EXTL3: variants seen among roughly 807,000 people sequenced by gnomAD.
The protein encoded by EXTL3 is exostosin like glycosyltransferase 3.
In EXTL3, 27 loss-of-function variants were observed where a neutral mutation model predicts 69.3. The ratio of observed to expected loss-of-function variants is 0.39; its 90% CI spans 0.29 to 0.54. The LOEUF (loss-of-function observed/expected upper bound fraction) is 0.54. Ranked by LOEUF, EXTL3 falls within the 20% of genes least tolerant of loss-of-function variation. The pLI, the probability that EXTL3 is intolerant of heterozygous loss-of-function variation, is 0.69. For synonymous variants in EXTL3, 511 were observed against 499.4 expected (o/e 1.02, Z -0.31); for missense variants, 1,003 against 1,231.8 (o/e 0.81, Z 2.78).
chr8:28,700,194 G>A (rs375673990), upstream of EXTL3: 1 of 152,274 alleles, frequency 6.6e-6, no homozygotes, highest in East Asian at 1.9e-4. Context: ...CACATATGAT[G>A]GCGGTAAGAC....
intron 4 of EXTL3, among the ~76,000 whole-genome samples, chr8:28,732,416 A>G (rs556869177): frequency 6.6e-5 from 10 of 152,326 alleles, no homozygotes; most frequent in Admixed American, 4.6e-4. Flanking sequence ...TTCATACCCC[A>G]TAAAATTCAC....
intron 1 of EXTL3, among the ~76,000 whole-genome samples, chr8:28,679,006 A>G (rs1807434962): frequency 6.6e-6 from 1 of 152,208 alleles, no homozygotes; most frequent in Non-Finnish European, 1.5e-5. Context: ...TTCTTTGTGC[A>G]TCTGCCTGGG....
At chr8:28,644,780 C>G (rs1281887314) in intron 1 of EXTL3, among the ~76,000 whole-genome samples, 1 of 152,206 alleles carries the variant, frequency 6.6e-6, no homozygotes, top group Admixed American at 6.5e-5. Flanking sequence ...TACTCTCCTA[C>G]TGTATGTACG....
chr8:28,715,863 C>T lies in EXTL3; in HGVS notation c.-197C>T. ...TTGGTCAACAGCCAGAACTTAAAAT[C>T]TGCTGGAATAGGGTCAGAGACCATT... On this transcript the variant is annotated 5_prime_UTR_variant, in exon 3 of 7. Transcript: ENST00000220562. 1 of 587,702 alleles carries T rather than the reference C, an allele frequency of 1.7e-6. No individual in the cohort carries two copies. Among genetic ancestry groups the T allele is most frequent in the South Asian group, 2.2e-5 (1 of 45,712 alleles). 36.4% of individuals were successfully genotyped at this position (587,702 alleles called of 1,614,324 possible).
chr8:28,731,187 G>A (rs374738521), intron 3 of EXTL3, 36 bp from the exon 4 acceptor site: 3 of 1,613,932 alleles, frequency 1.9e-6, no homozygotes, highest in Non-Finnish European at 2.5e-6. Context: ...TCATAACACA[G>A]CCTTAATTTT....
intron 1 of EXTL3, among the ~76,000 whole-genome samples, chr8:28,667,186 T>G (rs78346875): frequency 0.052 from 7,989 of 152,274 alleles, 399 homozygotes; most frequent in African/African-American, 0.13. Flanking sequence ...ACTATTGCAT[T>G]GGGGGTCAAG....
At chr8:28,642,344 A>G (rs897845134) in intron 1 of EXTL3, among the ~76,000 whole-genome samples, 9 of 151,794 alleles carry the variant, frequency 5.9e-5, no homozygotes, top group African/African-American at 2.2e-4. Flanking sequence ...CACTTGGGAA[A>G]CTGAGGCAGG....
At chr8:28,714,969 T>C (rs1801109124) in intron 2 of EXTL3, among the ~76,000 whole-genome samples, 1 of 152,262 alleles carries the variant, frequency 6.6e-6, no homozygotes, top group African/African-American at 2.4e-5. Context: ...TTACTATTTA[T>C]ATTTTAAGAA....
chr8:28,722,466 C>T (rs79352605), intron 3 of EXTL3, among the ~76,000 whole-genome samples: 21 of 152,232 alleles, frequency 1.4e-4, no homozygotes, highest in African/African-American at 5.1e-4. Context: ...TCAGAATGCA[C>T]CATTTTTTTT....
chr8:28,750,642 C>G lies in EXTL3; in HGVS notation c.2551-15C>G, dbSNP rs1189981226. 7 of 1,609,668 alleles carry G rather than the reference C, an allele frequency of 4.3e-6. No individual in the cohort carries two copies. Among genetic ancestry groups the G allele is most frequent in the South Asian group, 3.3e-5 (3 of 90,998 alleles). On this transcript the variant is annotated splice_polypyrimidine_tract_variant and intron_variant, in intron 6 of 6. Transcript: ENST00000220562. The surrounding 1 kb of genome is among the most constrained non-coding windows in gnomAD (Gnocchi z 5.2). ...TAGCTGGGATTCCCACTCTGTCTCT[C>G]TCTCCCGTTTCCAGGTGACCTCACG...
At chr8:28,709,299 G>A (rs903434967) in intron 1 of EXTL3, among the ~76,000 whole-genome samples, 12 of 152,178 alleles carry the variant, frequency 7.9e-5, no homozygotes, top group East Asian at 1.9e-4. Flanking sequence ...GGTTTAACCC[G>A]GCATACAGTA....
intron 1 of EXTL3, among the ~76,000 whole-genome samples, chr8:28,706,858 A>G (rs1800934180): frequency 6.6e-6 from 1 of 151,770 alleles, no homozygotes; most frequent in Admixed American, 6.6e-5. Context: ...TTCCTTCTGA[A>G]TACATAGAAT....
At chr8:28,632,554 C>CTTT (rs1172375819) in intron 1 of EXTL3, among the ~76,000 whole-genome samples, 7 of 126,590 alleles carry the variant, frequency 5.5e-5, no homozygotes, top group African/African-American at 1.2e-4. Context: ...CTCATTTATT[C>CTTT]TTTTTTTTTT....
chr8:28,683,832 T>C (rs1356668610), intron 1 of EXTL3, among the ~76,000 whole-genome samples: 1 of 151,964 alleles, frequency 6.6e-6, no homozygotes, highest in East Asian at 1.9e-4. Flanking sequence ...ATTATTGCTG[T>C]CTATAGTCAC....
chr8:28,633,926 C>A (rs1228472883), intron 1 of EXTL3, among the ~76,000 whole-genome samples: 1 of 152,188 alleles, frequency 6.6e-6, no homozygotes, highest in South Asian at 2.1e-4. Context: ...ACTCAGCCGA[C>A]CTCTGTGTTA....
intron 1 of EXTL3, chr8:28,710,613 CTTTT>C (rs11446791): frequency 5.4e-3 from 1,461 of 270,282 alleles, no homozygotes; most frequent in South Asian, 8.6e-3. Flanking sequence ...TTCTTTCTTT[CTTTT>C]TTTTTTTTTT....
intron 1 of EXTL3, among the ~76,000 whole-genome samples, chr8:28,635,513 A>G (rs1806639117): frequency 6.6e-6 from 1 of 151,026 alleles, no homozygotes; most frequent in Non-Finnish European, 1.5e-5. Flanking sequence ...CATCCTGGCT[A>G]ATGCAGTGAA....
intron 1 of EXTL3, among the ~76,000 whole-genome samples, chr8:28,636,104 G>A (rs1366896423): frequency 1.3e-5 from 2 of 152,102 alleles, no homozygotes; most frequent in Admixed American, 1.3e-4. Flanking sequence ...GCTGAGGCGG[G>A]TAGATCACAT....
chr8:28,702,953 G>A (rs189438252), intron 1 of EXTL3, among the ~76,000 whole-genome samples: 142 of 152,292 alleles, frequency 9.3e-4, no homozygotes, highest in African/African-American at 3.2e-3. Context: ...GTAACTGCGG[G>A]GCACAGAGTC....
Sources: gnomAD v4.1 joint callset for allele counts (sites outside exome capture counted in the v4.1 genomes callset) on GRCh38, gnomAD v4.1.1 for gene constraint, Gnocchi (gnomAD v3.1) non-coding constraint, MANE v1.5 for transcripts, NCBI Gene and HGNC (gene_info 2026-07-23, HGNC 2026-07-21) for gene names.